Variants in KCNH8 observed in about 807,000 individuals in gnomAD.
The protein encoded by KCNH8 is voltage-gated delayed rectifier potassium channel KCNH8.
KCNH8 carries 70 observed loss-of-function variants against 103.6 expected under a neutral mutation model. The ratio of observed to expected loss-of-function variants is 0.68; its 90% CI spans 0.56 to 0.82. KCNH8 has a LOEUF of 0.82. KCNH8 is among the 40% of genes least tolerant of loss of function. The pLI is 0.00. For missense variants in KCNH8, 1,217 were observed against 1,329.9 expected, an observed-to-expected ratio of 0.92 and a Z score of 1.32; for synonymous variants, 498 against 489.4, an observed-to-expected ratio of 1.02 and a Z score of -0.23.
intron 7 of KCNH8, among the ~76,000 whole-genome samples, chr3:19,427,885 C>T (rs2067052658): frequency 6.6e-6 from 1 of 152,090 alleles, no homozygotes; most frequent in Non-Finnish European, 1.5e-5. Flanking sequence ...TTCCTATTTG[C>T]AGGTGGAAGG....
intron 15 of KCNH8, among the ~76,000 whole-genome samples, chr3:19,523,966 A>T (rs2069017449): frequency 6.6e-6 from 1 of 151,926 alleles, no homozygotes; most frequent in Non-Finnish European, 1.5e-5. Flanking sequence ...CAAAGCTAAT[A>T]GATTAATGAA....
chr3:19,174,620 T>C (rs1353909821), intron 1 of KCNH8, among the ~76,000 whole-genome samples: 1 of 152,210 alleles, frequency 6.6e-6, no homozygotes, highest in Non-Finnish European at 1.5e-5. Context: ...TGAGTTTATT[T>C]CTGCATTGTG....
intron 3 of KCNH8, among the ~76,000 whole-genome samples, chr3:19,302,596 AG>A (rs763675786): frequency 7.9e-5 from 12 of 152,200 alleles, no homozygotes; most frequent in Non-Finnish European, 1.5e-4. Context: ...TCTCAGAAAA[AG>A]CACTTAGGAA....
intron 3 of KCNH8, among the ~76,000 whole-genome samples, chr3:19,283,404 TCAA>T (rs2064782964): frequency 1.3e-5 from 2 of 152,162 alleles, no homozygotes; most frequent in Non-Finnish European, 2.9e-5. Flanking sequence ...ATAAAAAATA[TCAA>T]CAAAACACTT....
chr3:19,273,476 A>G (rs564363674), intron 2 of KCNH8, among the ~76,000 whole-genome samples: 1 of 152,268 alleles, frequency 6.6e-6, no homozygotes, highest in African/African-American at 2.4e-5. Context: ...ATAGAGCCAT[A>G]AGTCAGACAT....
intron 8 of KCNH8, among the ~76,000 whole-genome samples, chr3:19,441,133 T>G (rs2067278143): frequency 1.3e-5 from 2 of 152,126 alleles, no homozygotes; most frequent in Non-Finnish European, 2.9e-5. Context: ...GCCTTCATTC[T>G]CAGAACCAAA....
At chr3:19,378,555 T>C (rs1161729481) in intron 5 of KCNH8, among the ~76,000 whole-genome samples, 1 of 152,206 alleles carries the variant, frequency 6.6e-6, no homozygotes, top group Admixed American at 6.5e-5. Context: ...CTTCGTTTCT[T>C]TGTTTCTCCC....
intron 1 of KCNH8, among the ~76,000 whole-genome samples, chr3:19,167,193 C>G (rs991987020): frequency 2.6e-5 from 4 of 152,158 alleles, no homozygotes; most frequent in African/African-American, 9.7e-5. Context: ...ACAGACAACA[C>G]TGGGGCCAGT....
At chr3:19,234,920 C>T (rs1019715348) in intron 1 of KCNH8, among the ~76,000 whole-genome samples, 1 of 152,248 alleles carries the variant, frequency 6.6e-6, no homozygotes, top group Non-Finnish European at 1.5e-5. Flanking sequence ...CCCTGAACTT[C>T]TGGGATAGGC....
chr3:19,521,755 AGTTT>A (rs1418862147), intron 15 of KCNH8, among the ~76,000 whole-genome samples: 2 of 151,988 alleles, frequency 1.3e-5, no homozygotes, highest in African/African-American at 4.8e-5. Context: ...TATCTTAACT[AGTTT>A]GATTGTAATT....
At chr3:19,410,803 A>G (rs1575032679) in intron 7 of KCNH8, among the ~76,000 whole-genome samples, 1 of 151,710 alleles carries the variant, frequency 6.6e-6, no homozygotes, top group South Asian at 2.1e-4. Flanking sequence ...CTAAGATTGA[A>G]TCAGGAAGAA....
intron 8 of KCNH8, chr3:19,448,975 TTTAGA>T: frequency 7.8e-7 from 1 of 1,286,322 alleles, no homozygotes; most frequent in Non-Finnish European, 1.0e-6. Context: ...TATCTGCTGG[TTTAGA>T]AACCATTTCG....
intron 5 of KCNH8, among the ~76,000 whole-genome samples, chr3:19,354,767 C>G (rs1306516314): frequency 2.0e-5 from 3 of 152,136 alleles, no homozygotes; most frequent in African/African-American, 7.2e-5. Context: ...AGACCTAAAA[C>G]CATAAAAACC....
chr3:19,444,365 T>A (rs1279212503), intron 8 of KCNH8, among the ~76,000 whole-genome samples: 1 of 151,958 alleles, frequency 6.6e-6, no homozygotes, highest in Non-Finnish European at 1.5e-5. Flanking sequence ...CCAGGTGGAT[T>A]TTGACCTAAA....
intron 7 of KCNH8, among the ~76,000 whole-genome samples, chr3:19,396,528 CTTCTT>C (rs1360562446): frequency 2.6e-5 from 4 of 151,992 alleles, no homozygotes; most frequent in African/African-American, 9.7e-5. Context: ...TTTTTCTTAT[CTTCTT>C]TATCAAAGCA....
At chr3:19,386,766 G>C (rs1205084380) in intron 5 of KCNH8, among the ~76,000 whole-genome samples, 1 of 152,064 alleles carries the variant, frequency 6.6e-6, no homozygotes, top group Non-Finnish European at 1.5e-5. Flanking sequence ...TTTTCAGATG[G>C]ATTATGGATT....
chr3:19,148,746 G>C lies in KCNH8; in HGVS notation c.27G>C (p.Ala9=). Reference sequence around the variant, plus strand: ...TGCCGGTTATGAAAGGATTACTGGCGCCGCAAAACACCTTCCTGGACACCA... The same window carrying C: ...TGCCGGTTATGAAAGGATTACTGGCCCCGCAAAACACCTTCCTGGACACCA... MPVMKGLL[A]PQNTFLDTIA... Residue 9 remains alanine (A), a synonymous_variant, in exon 1 of 16, where the codon GCG becomes GCC. Coordinates refer to ENST00000328405, the MANE Select transcript of KCNH8 (RefSeq NM_144633.3). 6.2e-7 allele frequency: 1 copy of C among 1,614,126 alleles called. No individual in the cohort carries two copies. Among genetic ancestry groups the C allele is most frequent in the Admixed American group, 1.7e-5 (1 of 60,014 alleles).
chr3:19,309,517 A>C (rs557050608), intron 3 of KCNH8, among the ~76,000 whole-genome samples: 1 of 151,980 alleles, frequency 6.6e-6, no homozygotes, highest in Non-Finnish European at 1.5e-5. Context: ...AGAAAGGTGA[A>C]AAAGGAAAAT....
intron 1 of KCNH8, among the ~76,000 whole-genome samples, chr3:19,160,962 G>T (rs2063228270): frequency 6.6e-6 from 1 of 152,060 alleles, no homozygotes; most frequent in Admixed American, 6.6e-5. Flanking sequence ...AAGTCAGAAA[G>T]TGCTTCCTTT....
Sources: gnomAD v4.1 joint callset for allele counts (sites outside exome capture counted in the v4.1 genomes callset) on GRCh38, gnomAD v4.1.1 for gene constraint, MANE v1.5 for transcripts, NCBI Gene and HGNC (gene_info 2026-07-23, HGNC 2026-07-21) for gene names.